The following TLN2 variants were observed in gnomAD, a reference collection of about 807,000 sequenced individuals.
TLN2 encodes talin-2.
TLN2 carries 118 observed loss-of-function variants against 294.7 expected under a neutral mutation model. The ratio of observed to expected loss-of-function variants is 0.40; its 90% CI spans 0.34 to 0.47. TLN2 has a LOEUF of 0.47. Ranked by LOEUF, TLN2 falls within the 20% of genes least tolerant of loss-of-function variation. TLN2 has a pLI of 0.84. For missense variants in TLN2, 3,083 were observed against 3,282.2 expected (o/e 0.94, Z 1.48); for synonymous variants, 1,431 against 1,304.5 (o/e 1.10, Z -2.09).
chr15:62,725,252 CT>C (rs2060373200), intron 27 of TLN2, 148 bp downstream of exon 27: 1 of 1,236,282 alleles, frequency 8.1e-7, no homozygotes. Context: ...CCCAGGGCAG[CT>C]GGAGGAACTA....
intron 1 of TLN2, among the ~76,000 whole-genome samples, chr15:62,473,737 G>A (rs543956602): frequency 3.4e-4 from 52 of 152,286 alleles, no homozygotes; most frequent in African/African-American, 1.1e-3. Flanking sequence ...TTCCTCACTG[G>A]ATCCTGCTCT....
chr15:62,462,096 G>A (rs1382626855), intron 1 of TLN2, among the ~76,000 whole-genome samples: 3 of 152,170 alleles, frequency 2.0e-5, no homozygotes, highest in Admixed American at 6.5e-5. Context: ...TTAGCCGGGC[G>A]TGGTGGCGGG....
rs1262424745 is a variant in TLN2, at chr15:62,783,648, C to T, written c.5617-123C>T. On this transcript the variant is annotated intron_variant, in intron 44 of 58. Coordinates refer to ENST00000636159, the MANE Select transcript of TLN2 (RefSeq NM_015059.3). ...AAATGCAAGGCCTGGCCTTCACCCCCTCAGGAGCTTAAAAGTGAATGAAAC... is the reference window on the plus strand; with the variant it reads ...AAATGCAAGGCCTGGCCTTCACCCCTTCAGGAGCTTAAAAGTGAATGAAAC... The T allele has an allele frequency of 1.4e-5, 20 of 1,450,226 alleles. No individual in the cohort carries two copies. The Admixed American group carries it at 3.3e-4, about 24-fold the overall frequency. 89.8% of individuals were successfully genotyped at this position (1,450,226 alleles called of 1,614,324 possible).
intron 2 of TLN2, among the ~76,000 whole-genome samples, chr15:62,593,856 A>G (rs922116011): frequency 7.2e-5 from 11 of 152,252 alleles, no homozygotes; most frequent in African/African-American, 2.7e-4. Context: ...AGTGCTGTCA[A>G]CACACCACTA....
At chr15:62,466,392 T>TG (rs2037136812) in intron 1 of TLN2, among the ~76,000 whole-genome samples, 1 of 152,208 alleles carries the variant, frequency 6.6e-6, no homozygotes. Flanking sequence ...GATTCTTTGT[T>TG]GTGCGGGGCT....
At chr15:62,531,234 T>C (rs2041026249) in intron 1 of TLN2, among the ~76,000 whole-genome samples, 1 of 152,252 alleles carries the variant, frequency 6.6e-6, no homozygotes, top group Admixed American at 6.5e-5. Flanking sequence ...AGTGGAATAC[T>C]ATTCAGCCTT....
chr15:62,626,528 C>T (rs1203122244), intron 3 of TLN2, among the ~76,000 whole-genome samples: 1 of 152,160 alleles, frequency 6.6e-6, no homozygotes, highest in Non-Finnish European at 1.5e-5. Flanking sequence ...TAATTATATC[C>T]TCAATCCTTT....
intron 3 of TLN2, chr15:62,644,898 A>T (rs1281276460): frequency 3.4e-5 from 10 of 296,008 alleles, no homozygotes; most frequent in Non-Finnish European, 5.9e-5. Context: ...TGGGAAGGGC[A>T]GACTTCACGC....
intron 1 of TLN2, among the ~76,000 whole-genome samples, chr15:62,482,887 G>A (rs2038185546): frequency 6.6e-6 from 1 of 152,064 alleles, no homozygotes; most frequent in Non-Finnish European, 1.5e-5. Flanking sequence ...CCCTCCCTGA[G>A]GGCTTCTCTT....
chr15:62,698,892 T>C, intron 16 of TLN2, 25 bp downstream of exon 16: 1 of 1,601,336 alleles, frequency 6.2e-7, no homozygotes, highest in Non-Finnish European at 8.5e-7. Context: ...GTGGTTTTCA[T>C]GCCAAGTCTC....
At chr15:62,797,086 G>T in intron 47 of TLN2, 133 bp from the exon 48 acceptor site, 1 of 906,494 alleles carries the variant, frequency 1.1e-6, no homozygotes, top group African/African-American at 1.7e-5. Context: ...GGTAAAGGGA[G>T]GTGTAACACA....
intron 1 of TLN2, among the ~76,000 whole-genome samples, chr15:62,546,963 T>A (rs2042028582): frequency 6.6e-6 from 1 of 152,152 alleles, no homozygotes; most frequent in African/African-American, 2.4e-5. Context: ...TCTGTGGACC[T>A]CTTGAGAACC....
At chr15:62,580,203 C>T (rs762063342) in intron 1 of TLN2, among the ~76,000 whole-genome samples, 24 of 152,258 alleles carry the variant, frequency 1.6e-4, no homozygotes, top group East Asian at 5.8e-4. Flanking sequence ...TTTATTTCTT[C>T]GGAGCAGTTT....
chr15:62,775,790 G>A (rs1052019181), intron 42 of TLN2, among the ~76,000 whole-genome samples: 1 of 152,230 alleles, frequency 6.6e-6, no homozygotes, highest in African/African-American at 2.4e-5. Context: ...CACGGCATGG[G>A]TAGACCCAGT....
At chr15:62,691,581 G>T (rs542830726) in intron 12 of TLN2, among the ~76,000 whole-genome samples, 1 of 152,148 alleles carries the variant, frequency 6.6e-6, no homozygotes, top group African/African-American at 2.4e-5. Context: ...ATTTATTTCA[G>T]TGTTGGCATG....
chr15:62,733,156 A>G (rs1036315895), intron 28 of TLN2, among the ~76,000 whole-genome samples: 2 of 152,226 alleles, frequency 1.3e-5, no homozygotes, highest in South Asian at 4.1e-4. Context: ...TCTTTGAAAG[A>G]AAGAAGAACA....
intron 23 of TLN2, among the ~76,000 whole-genome samples, chr15:62,716,919 T>C (rs1473053787): frequency 1.4e-5 from 2 of 146,128 alleles, no homozygotes; most frequent in African/African-American, 4.9e-5. Context: ...AAAGTTGAAA[T>C]AGTAATAGGC....
intron 50 of TLN2, among the ~76,000 whole-genome samples, chr15:62,804,988 T>C (rs1238112110): frequency 1.3e-5 from 2 of 152,182 alleles, no homozygotes; most frequent in Non-Finnish European, 2.9e-5. Flanking sequence ...TGAATTTATT[T>C]CAGCCTCTCT....
At position 62,565,910 on chromosome 15, in the gene TLN2, CTGTGTGTGTGTGTGTG is replaced by C. The variant is rs71718001; in HGVS notation, c.-237-23761_-237-23746del. Among the ~76,000 whole-genome samples, 8 of 148,388 alleles carry C rather than the reference CTGTGTGTGTGTGTGTG, an allele frequency of 5.4e-5. No homozygotes were observed. In the East Asian group the frequency reaches 1.4e-3, roughly 26 times the overall value. ...GTTGGATGGCTCTACTGTTTACTAG[CTGTGTGTGTGTGTGTG>C]TGTGTGTGTGTGTGTTTTACCTCTT... On this transcript the variant is annotated intron_variant, in intron 1 of 58. Coordinates refer to ENST00000636159, the MANE Select transcript of TLN2 (RefSeq NM_015059.3).
Sources: gnomAD v4.1 joint callset for allele counts (sites outside exome capture counted in the v4.1 genomes callset) on GRCh38, gnomAD v4.1.1 for gene constraint, MANE v1.5 for transcripts, NCBI Gene and HGNC (gene_info 2026-07-23, HGNC 2026-07-21) for gene names.